The following ATXN2 variants were observed in gnomAD, a reference collection of about 807,000 sequenced individuals.
ATXN2 encodes the protein ataxin-2.
Under a neutral mutation model 138.6 loss-of-function variants are expected in ATXN2, and 37 were observed. The ratio of observed to expected loss-of-function variants is 0.27; its 90% confidence interval spans 0.21 to 0.35. The LOEUF (loss-of-function observed/expected upper bound fraction) is 0.35. Among genes scored for constraint, ATXN2 ranks in the 10% least tolerant of loss-of-function variants. The pLI, the probability that ATXN2 is intolerant of heterozygous loss-of-function variation, is 1.00. For missense variants in ATXN2, 1,216 were observed against 1,480.3 expected (o/e 0.82, Z 2.93); for synonymous variants, 549 against 543.7 (o/e 1.01, Z -0.13).
At position 111,518,231 on chromosome 12, in the gene ATXN2, T is replaced by C; in HGVS notation, c.1165+18A>G. ...CTATTTTATCAATGATATTGACAAG[T>C]CTGGTCAAAATACTTGCCTCCATTA... On this transcript the variant is annotated intron_variant, in intron 9 of 24. Coordinates refer to ENST00000673436, the MANE Select transcript of ATXN2 (RefSeq NM_001372574.1). 10 of 1,547,778 alleles carry C rather than the reference T, an allele frequency of 6.5e-6. No individual in the cohort carries two copies. The highest frequency in any genetic ancestry group is 8.8e-6 in the Non-Finnish European group (10 of 1,138,636).
At chr12:111,545,356 G>A (rs1216403088) in intron 5 of ATXN2, among the ~76,000 whole-genome samples, 2 of 152,122 alleles carry the variant, frequency 1.3e-5, no homozygotes, top group Admixed American at 6.5e-5. Context: ...CAGCACTTTG[G>A]GAGGCTGAGG....
chr12:111,520,144 C>A, intron 7 of ATXN2, 68 bp from the exon 8 acceptor site: 1 of 1,546,516 alleles, frequency 6.5e-7, no homozygotes, highest in Non-Finnish European at 8.8e-7. Context: ...CTGTCATAAT[C>A]AACTACTAAG....
At chr12:111,580,516 A>G (rs1883934532) in intron 1 of ATXN2, among the ~76,000 whole-genome samples, 1 of 150,652 alleles carries the variant, frequency 6.6e-6, no homozygotes, top group Non-Finnish European at 1.5e-5. Flanking sequence ...CAAAAAAGAA[A>G]AAAAAAAAAA....
chr12:111,539,142 G>C (rs1490224633), intron 5 of ATXN2, among the ~76,000 whole-genome samples: 1 of 150,118 alleles, frequency 6.7e-6, no homozygotes, highest in African/African-American at 2.4e-5. Flanking sequence ...GTGGGGAGGA[G>C]GAGGAAAAGC....
chr12:111,453,424 CTGCTGT>C lies in ATXN2; in HGVS notation c.3439+247_3439+252del. 1 of 1,240,272 alleles carries C rather than the reference CTGCTGT, an allele frequency of 8.1e-7. No individual in the cohort carries two copies. Among genetic ancestry groups the C allele is most frequent in the Non-Finnish European group, 1.0e-6 (1 of 990,502 alleles). 76.8% of individuals were successfully genotyped at this position (1,240,272 alleles called of 1,614,324 possible). A position where few individuals can be genotyped will look rare whatever the true frequency, so the allele number is the denominator to read the frequency against. Reference sequence around the variant, plus strand: ...AACTGAGTCCTAGGCATGCATCAGGCTGCTGTTGCTGCTGCTGCTGCTTCTCATCAA... The same window carrying C: ...AACTGAGTCCTAGGCATGCATCAGGCTGCTGCTGCTGCTGCTTCTCATCAA... On this transcript the variant is annotated intron_variant, in intron 24 of 24. Transcript: ENST00000673436. The surrounding 1 kb of genome is among the most constrained non-coding windows in gnomAD (Gnocchi z 5.4).
At chr12:111,462,797 T>C (rs184708948) in intron 21 of ATXN2, among the ~76,000 whole-genome samples, 20 of 152,272 alleles carry the variant, frequency 1.3e-4, no homozygotes, top group African/African-American at 4.8e-4. Flanking sequence ...AGACCTCAAA[T>C]TGAGTACATA....
chr12:111,453,613 A>G lies in ATXN2; in HGVS notation c.3439+64T>C, dbSNP rs1874841499. 1.4e-6 allele frequency: 2 copies of G among 1,475,672 alleles called. No homozygotes were observed. The highest frequency in any genetic ancestry group is 1.8e-6 in the Non-Finnish European group (2 of 1,109,334). 91.4% of individuals were successfully genotyped at this position (1,475,672 alleles called of 1,614,324 possible). On this transcript the variant is annotated intron_variant, in intron 24 of 24. Coordinates refer to ENST00000673436, the MANE Select transcript of ATXN2 (RefSeq NM_001372574.1). The surrounding 1 kb of genome is among the most constrained non-coding windows in gnomAD (Gnocchi z 5.4). ...GCTTGAAGCACTGGCCCTGCCTGCC[A>G]TTCCACCTGTGCGAGCAGAATGCTT... is the stretch of plus-strand genomic sequence containing the variant.
intron 2 of ATXN2, 26 bp downstream of exon 2, chr12:111,555,857 C>T (rs376240523): frequency 9.5e-6 from 15 of 1,574,830 alleles, no homozygotes; most frequent in Non-Finnish European, 1.1e-5. Flanking sequence ...TAATTTTCCC[C>T]AATAAGTAAC....
At chr12:111,501,238 G>A (rs188398142) in intron 14 of ATXN2, among the ~76,000 whole-genome samples, 1 of 152,286 alleles carries the variant, frequency 6.6e-6, no homozygotes, top group East Asian at 1.9e-4. Context: ...AATAAGTGAT[G>A]AGGTTTTTAA....
At chr12:111,475,210 T>C (rs1876710531) in intron 18 of ATXN2, among the ~76,000 whole-genome samples, 1 of 148,638 alleles carries the variant, frequency 6.7e-6, no homozygotes, top group Non-Finnish European at 1.5e-5. Context: ...CGAGACTCTG[T>C]CTCAAAAAAA....
chr12:111,453,538 T>A lies in ATXN2; in HGVS notation c.3439+139A>T. On this transcript the variant is annotated intron_variant, in intron 24 of 24. Coordinates refer to ENST00000673436, the MANE Select transcript of ATXN2 (RefSeq NM_001372574.1). This position sits in a 1 kb window ranked among gnomAD's most constrained non-coding sequence, Gnocchi z 5.4. ...CCTGATGCTGAACTGATCGTCACAG[T>A]CCCTCCTGTGCACACTCCTGGACGG... 4 of 1,399,960 alleles carry A rather than the reference T, an allele frequency of 2.9e-6. No individual in the cohort carries two copies. The highest frequency in any genetic ancestry group is 3.7e-6 in the Non-Finnish European group (4 of 1,078,976). 86.7% of individuals were successfully genotyped at this position (1,399,960 alleles called of 1,614,324 possible).
chr12:111,475,527 T>C (rs1377118182), intron 18 of ATXN2, among the ~76,000 whole-genome samples: 2 of 147,132 alleles, frequency 1.4e-5, no homozygotes, highest in Non-Finnish European at 3.0e-5. Flanking sequence ...TCTTGCTCTG[T>C]CACCCAGGCT....
chr12:111,490,110 CAT>C (rs978023550), intron 14 of ATXN2, among the ~76,000 whole-genome samples: 3 of 149,660 alleles, frequency 2.0e-5, no homozygotes, highest in Non-Finnish European at 4.4e-5. Context: ...GGGAGGCTGA[CAT>C]ATGAGAATTG....
intron 1 of ATXN2, among the ~76,000 whole-genome samples, chr12:111,562,310 G>C (rs1429494061): frequency 1.3e-5 from 2 of 152,018 alleles, no homozygotes; most frequent in Admixed American, 6.6e-5. Flanking sequence ...GCAGGTGCCT[G>C]TAGTCCCAGC....
At chr12:111,586,397 T>G (rs796322842) in intron 1 of ATXN2, among the ~76,000 whole-genome samples, 69 of 125,424 alleles carry the variant, frequency 5.5e-4, no homozygotes, top group African/African-American at 2.4e-3. Flanking sequence ...GGTTTTTTTT[T>G]TTTTTTTTTT....
chr12:111,559,139 T>G (rs1353243924), intron 1 of ATXN2, among the ~76,000 whole-genome samples: 1 of 151,144 alleles, frequency 6.6e-6, no homozygotes, highest in African/African-American at 2.4e-5. Context: ...GTTTTTTGTT[T>G]TTTTTTTTTT....
At chr12:111,550,818 C>A (rs1009615203) in intron 5 of ATXN2, among the ~76,000 whole-genome samples, 3 of 152,076 alleles carry the variant, frequency 2.0e-5, no homozygotes, top group African/African-American at 7.2e-5. Context: ...GAGAAAGACT[C>A]CTAAGTCTAA....
chr12:111,544,088 GAAAAA>G (rs910073309), intron 5 of ATXN2, among the ~76,000 whole-genome samples: 1 of 151,544 alleles, frequency 6.6e-6, no homozygotes, highest in Admixed American at 6.6e-5. Flanking sequence ...TTAAAAAAAA[GAAAAA>G]AAATTAATTT....
At chr12:111,550,268 G>A (rs926726193) in intron 5 of ATXN2, among the ~76,000 whole-genome samples, 1 of 152,074 alleles carries the variant, frequency 6.6e-6, no homozygotes, top group Admixed American at 6.6e-5. Context: ...TCTGAGAAAT[G>A]AAGATCTAAT....
Sources: allele counts gnomAD v4.1 joint callset (sites outside exome capture counted in the v4.1 genomes callset), GRCh38; gene constraint gnomAD v4.1.1; non-coding constraint Gnocchi (gnomAD v3.1); transcripts MANE v1.5; gene names NCBI Gene and HGNC (gene_info 2026-07-23, HGNC 2026-07-21).